The following CLDN2 variants were observed in gnomAD, a reference collection of about 807,000 sequenced individuals.
CLDN2 encodes the protein claudin 2.
Under a neutral mutation model 8.2 loss-of-function variants are expected in CLDN2, and 1 was observed. That is an observed-to-expected ratio of 0.12 (90% CI 0.04 to 0.58). The LOEUF is 0.58. Ranked by LOEUF, CLDN2 falls within the 20% of genes least tolerant of loss-of-function variation. CLDN2 has a pLI of 0.90. For synonymous variants in CLDN2, 70 were observed against 70.2 expected (o/e 1.00, Z 0.01); for missense variants, 108 against 172.9 (o/e 0.62, Z 2.11).
At chrX:106,922,445 C>T (rs886179468) in intron 1 of CLDN2, among the ~76,000 whole-genome samples, 6 of 112,471 alleles carry the variant, frequency 5.3e-5, no homozygotes, top group Non-Finnish European at 1.1e-4. Context: ...TGGGGAGAGG[C>T]TTTCCTCTTG....
chrX:106,920,692 G>C (rs1450387241), intron 1 of CLDN2, 141 bp downstream of exon 1: 1 of 111,926 alleles, frequency 8.9e-6, no homozygotes, highest in Non-Finnish European at 1.9e-5. Context: ...GTATGGGAGG[G>C]GAAACTCCGG....
At chrX:106,927,171 C>T (rs1602462674) in intron 1 of CLDN2, among the ~76,000 whole-genome samples, 1 of 111,695 alleles carries the variant, frequency 9.0e-6, no homozygotes, top group African/African-American at 3.3e-5. Context: ...TGAATCTTGG[C>T]AACACCGAGG....
intron 1 of CLDN2, among the ~76,000 whole-genome samples, chrX:106,923,310 G>A (rs886073342): frequency 1.8e-5 from 2 of 112,545 alleles, no homozygotes; most frequent in African/African-American, 6.5e-5. Context: ...AAAGCGTGAG[G>A]TGAAAGTCAC....
chrX:106,924,214 A>T (rs1933434184), intron 1 of CLDN2, among the ~76,000 whole-genome samples: 1 of 111,271 alleles, frequency 9.0e-6, no homozygotes, highest in South Asian at 3.9e-4. Context: ...GACATCAATA[A>T]TGAATGGCTT....
In CLDN2 at chrX:106,930,024, G is replaced by GC. The variant is rs1334078065; in HGVS notation, c.*1108dup. 2 of 122,891 alleles carry GC rather than the reference G, an allele frequency of 1.6e-5. No individual in the cohort carries two copies. The highest frequency in any genetic ancestry group is 3.8e-5 in the Non-Finnish European group (2 of 53,176). The allele number at this position is 122,891 out of a possible 1,213,427, so 10.1% of individuals were successfully genotyped here. A position where few individuals can be genotyped will look rare whatever the true frequency, so the allele number is the denominator to read the frequency against. Reference sequence around the variant, plus strand: ...GTTTCTACTCTGCCAGTGAGAGGCAGCCCCCTAGAAACTCTTCAGGCGTAA... The same window carrying GC: ...GTTTCTACTCTGCCAGTGAGAGGCAGCCCCCCTAGAAACTCTTCAGGCGTAA... On this transcript the variant is annotated 3_prime_UTR_variant, in exon 2 of 2. Transcript: ENST00000336803.
intron 1 of CLDN2, among the ~76,000 whole-genome samples, chrX:106,912,780 C>T (rs1338070260): frequency 1.8e-5 from 2 of 110,510 alleles, no homozygotes; most frequent in African/African-American, 3.3e-5. Context: ...TAAAAATGGA[C>T]AAAATGATCC....
Position 106,903,810 on chromosome X carries a change from T to C in CLDN2, c.-179+3306T>C, listed in dbSNP as rs1173518872. On this transcript the variant is annotated intron_variant, in intron 1 of 1. Coordinates refer to the CLDN2 transcript ENST00000541806. ...GATAGATTTGCCAGGTGGACCTGAA[T>C]GTAGGGTGACTGCCATTAAGCATAT... Among the ~76,000 whole-genome samples, 16 of 112,231 alleles carry C rather than the reference T, an allele frequency of 1.4e-4. No individual in the cohort carries two copies. The Admixed American group carries it at 1.5e-3, about 11-fold the overall frequency.
chrX:106,918,123 A>G (rs923928450), upstream of CLDN2, among the ~76,000 whole-genome samples: 5 of 112,176 alleles, frequency 4.5e-5, no homozygotes, highest in African/African-American at 1.6e-4. Flanking sequence ...CACAGTCACT[A>G]TGAACTGATA....
chrX:106,928,284 T>C lies in CLDN2; in HGVS notation c.56T>C (p.Leu19Ser), dbSNP rs151003816. The change falls in exon 2 of 2, where the codon TTG (leucine) becomes TCG (serine). Residue 19 changes from leucine (L) to serine (S), a missense_variant. By Grantham distance (145) the Leu-to-Ser change is moderately radical. This residue lies in a region of CLDN2 where 27 missense variants were observed against 72.2 expected (regional missense o/e 0.37). Transcript: ENST00000336803. ...VGYILGLLGL[L>S]GTLVAMLLPS... is the part of the protein sequence containing the mutation. ...TACATCCTAGGCCTTCTGGGGCTTT[T>C]GGGCACACTGGTTGCCATGCTGCTC... 3.1e-4 allele frequency: 376 copies of C among 1,210,591 alleles called. No homozygotes were observed. Among genetic ancestry groups the C allele is most frequent in the South Asian group, 6.3e-4 (36 of 56,817 alleles).
rs1169313136 is a variant in CLDN2 at position 106,930,771 on chromosome X, G to T, written c.*1850G>T. The T allele has an allele frequency of 8.1e-6, 1 of 123,047 alleles. No homozygotes were observed. Among genetic ancestry groups the T allele is most frequent in the African/African-American group, 3.3e-5 (1 of 30,683 alleles). 10.1% of individuals were successfully genotyped at this position (123,047 alleles called of 1,213,427 possible). A position where few individuals can be genotyped will look rare whatever the true frequency, so the allele number is the denominator to read the frequency against. On this transcript the variant is annotated 3_prime_UTR_variant, in exon 2 of 2. Coordinates refer to ENST00000336803, the MANE Select transcript of CLDN2 (RefSeq NM_020384.4). ...ATATTGTAAACCCTTCGGTGGGTGGGGGCCATATCCTAGACCTCTCTGTAT... is the reference window on the plus strand; with the variant it reads ...ATATTGTAAACCCTTCGGTGGGTGGTGGCCATATCCTAGACCTCTCTGTAT...
At chrX:106,913,112 T>G (rs77379356) in intron 1 of CLDN2, among the ~76,000 whole-genome samples, 3 of 108,374 alleles carry the variant, frequency 2.8e-5, no homozygotes, top group South Asian at 7.8e-4. Flanking sequence ...TTTTTTTTTT[T>G]GAGACAGAAT....
chrX:106,901,364 A>G (rs963248453), intron 1 of CLDN2: 1 of 763,640 alleles, frequency 1.3e-6, no homozygotes, highest in Non-Finnish European at 2.0e-6. Context: ...CCTATGAAAC[A>G]GCGATCATAG....
intron 1 of CLDN2, among the ~76,000 whole-genome samples, chrX:106,903,971 C>CAGCAGTAAGTGGTCCAGTGAAG (rs1422374347): frequency 8.9e-6 from 1 of 112,486 alleles, no homozygotes; most frequent in Non-Finnish European, 1.9e-5. Context: ...CCTCCAGCCT[C>CAGCAGTAAGTGGTCCAGTGAAG]AGCAGTAAGT....
intron 1 of CLDN2, among the ~76,000 whole-genome samples, chrX:106,906,446 AG>A (rs1012079205): frequency 9.0e-6 from 1 of 111,389 alleles, no homozygotes; most frequent in Admixed American, 9.5e-5. Context: ...TCCCTTGTCA[AG>A]GCCCCAGCTC....
chrX:106,926,787 TCACACACACACACACACA>T (rs60711565), intron 1 of CLDN2, among the ~76,000 whole-genome samples: 1 of 2,111 alleles, frequency 4.7e-4, no homozygotes, highest in African/African-American at 1.1e-3. Context: ...GGCAGGAGGA[TCACACACACACACACACA>T]CACACACACA....
chrX:106,900,896 A>G lies in CLDN2; in HGVS notation c.-179+392A>G, dbSNP rs376428909. 4 of 1,208,730 alleles carry G rather than the reference A, an allele frequency of 3.3e-6. No individual in the cohort carries two copies. The African/African-American group carries it at 7.0e-5, about 21-fold the overall frequency. ...ACAGATAGTCGAAGGAGCGGGATTT[A>G]GGCCAGAAGAGCCTGTGGACAGAGA... On this transcript the variant is annotated intron_variant, in intron 1 of 1. Coordinates refer to the CLDN2 transcript ENST00000541806.
intron 1 of CLDN2, among the ~76,000 whole-genome samples, chrX:106,923,648 G>A (rs763008147): frequency 9.0e-6 from 1 of 111,719 alleles, no homozygotes; most frequent in South Asian, 3.8e-4. Flanking sequence ...ACTGCATGAG[G>A]AGCAGTTTGG....
chrX:106,905,952 C>T (rs959320802), intron 1 of CLDN2, among the ~76,000 whole-genome samples: 4 of 111,828 alleles, frequency 3.6e-5, no homozygotes, highest in South Asian at 3.8e-4. Flanking sequence ...GTCCTCCCTA[C>T]GCAATGGCTC....
intron 1 of CLDN2, among the ~76,000 whole-genome samples, chrX:106,922,795 G>A (rs1253151197): frequency 9.0e-6 from 1 of 110,959 alleles, no homozygotes; most frequent in African/African-American, 3.3e-5. Context: ...AGAAATTCAA[G>A]TGCTTAGGTT....
Sources: gnomAD v4.1 joint callset for allele counts (sites outside exome capture counted in the v4.1 genomes callset) on GRCh38, gnomAD v4.1.1 for gene constraint, gnomAD v4.1.1 regional missense constraint, MANE v1.5 for transcripts, NCBI Gene and HGNC (gene_info 2026-07-23, HGNC 2026-07-21) for gene names.